Variants in GABRA5 observed in about 807,000 individuals in gnomAD.
The protein encoded by GABRA5 is gamma-aminobutyric acid type A receptor subunit alpha5, also known as gamma-aminobutyric acid receptor subunit alpha-5.
A neutral mutation model predicts 47.3 loss-of-function variants in GABRA5; 18 were observed. The ratio of observed to expected loss-of-function variants is 0.38; its 90% CI spans 0.26 to 0.56. The LOEUF is 0.56. Ranked by LOEUF, GABRA5 falls within the 20% of genes least tolerant of loss-of-function variation. The pLI is 0.71. For synonymous variants in GABRA5, 237 were observed against 229.3 expected, an observed-to-expected ratio of 1.03 and a Z score of -0.30; for missense variants, 365 against 599.3, an observed-to-expected ratio of 0.61 and a Z score of 4.08.
chr15:26,870,772 G>A (rs75643997), intron 3 of GABRA5, among the ~76,000 whole-genome samples: 4,584 of 152,244 alleles, frequency 0.03, 133 homozygotes, highest in African/African-American at 0.076. Flanking sequence ...AAGTGAAATC[G>A]CACAGAATAT....
rs1015777738 is a variant in GABRA5 at position 26,931,797 on chromosome 15, G to A, written c.581-5388G>A. 3.3e-5 allele frequency among the ~76,000 whole-genome samples: 5 copies of A among 152,134 alleles called. No homozygotes were observed. The South Asian group carries it at 1.0e-3, about 32-fold the overall frequency. Reference sequence around the variant, plus strand: ...ACAGAACAAAACACAAATGGCCACCGATCAGTTGTCAAGATATTGAAACAA... The same window carrying A: ...ACAGAACAAAACACAAATGGCCACCAATCAGTTGTCAAGATATTGAAACAA... On this transcript the variant is annotated intron_variant, in intron 7 of 10. Transcript: ENST00000335625.
intron 6 of GABRA5, among the ~76,000 whole-genome samples, chr15:26,907,016 T>A (rs1368315840): frequency 6.6e-6 from 1 of 152,178 alleles, no homozygotes; most frequent in Non-Finnish European, 1.5e-5. Context: ...GGAATGAGGA[T>A]CCTAATAGTG....
chr15:26,930,248 C>T (rs1042457445), intron 7 of GABRA5, among the ~76,000 whole-genome samples: 1 of 151,900 alleles, frequency 6.6e-6, no homozygotes, highest in African/African-American at 2.4e-5. Context: ...CCTCAGGTGA[C>T]CTGCCTGCCT....
At chr15:26,921,529 A>T (rs1385199854) in intron 7 of GABRA5, among the ~76,000 whole-genome samples, 1 of 151,946 alleles carries the variant, frequency 6.6e-6, no homozygotes, top group African/African-American at 2.4e-5. Flanking sequence ...AATTTTATTG[A>T]TCTTATTATT....
In GABRA5 at chr15:26,901,041, CTA is replaced by C. The variant is rs201172659; in HGVS notation, c.498-13759_498-13758del. Among the ~76,000 whole-genome samples, 1,323 of 152,270 alleles carry C rather than the reference CTA, an allele frequency of 8.7e-3. 22 individuals are homozygous for C. The highest frequency in any genetic ancestry group is 0.029 in the African/African-American group (1,215 of 41,550). The stretch of plus-strand genomic sequence containing the variant: ...CACAACACTGCATTATCTGCATACA[CTA>C]TAGTTTATCCATTCATCTATGGAAG... On this transcript the variant is annotated intron_variant, in intron 6 of 10. Transcript: ENST00000335625.
chr15:26,932,253 G>A (rs541378252), intron 7 of GABRA5, among the ~76,000 whole-genome samples: 2 of 152,106 alleles, frequency 1.3e-5, no homozygotes, highest in African/African-American at 2.4e-5. Flanking sequence ...AATCTACAAG[G>A]AACTTAAACA....
At chr15:26,906,958 C>A (rs1893458453) in intron 6 of GABRA5, among the ~76,000 whole-genome samples, 1 of 152,094 alleles carries the variant, frequency 6.6e-6, no homozygotes, top group Non-Finnish European at 1.5e-5. Context: ...CGATGGTTTT[C>A]CCAACATAAA....
intron 10 of GABRA5, among the ~76,000 whole-genome samples, chr15:26,945,756 T>C (rs1329067938): frequency 6.6e-6 from 1 of 152,138 alleles, no homozygotes; most frequent in Non-Finnish European, 1.5e-5. Flanking sequence ...AGGGCGCGTG[T>C]AAATCTCCAC....
At chr15:26,872,630 G>T (rs73363956) in intron 3 of GABRA5, among the ~76,000 whole-genome samples, 2,910 of 152,260 alleles carry the variant, frequency 0.019, 84 homozygotes, top group African/African-American at 0.066. Context: ...TCAAAAGAAA[G>T]GGGAAAGGAG....
intron 3 of GABRA5, among the ~76,000 whole-genome samples, chr15:26,879,865 A>G (rs957791731): frequency 1.3e-5 from 2 of 152,198 alleles, no homozygotes; most frequent in African/African-American, 4.8e-5. Flanking sequence ...CCAAGTGCCC[A>G]GGGCACTCGC....
intron 3 of GABRA5, among the ~76,000 whole-genome samples, chr15:26,878,969 G>A (rs1892661885): frequency 6.6e-6 from 1 of 152,234 alleles, no homozygotes; most frequent in Non-Finnish European, 1.5e-5. Context: ...AACGCTCACA[G>A]AGACATCACT....
chr15:26,939,215 G>A (rs758854674), intron 8 of GABRA5: 2 of 764,644 alleles, frequency 2.6e-6, no homozygotes, highest in South Asian at 2.7e-5. Flanking sequence ...CCTGACCACA[G>A]CTCCCGACCT....
intron 10 of GABRA5, among the ~76,000 whole-genome samples, chr15:26,947,398 T>C (rs1305873193): frequency 6.8e-6 from 1 of 147,446 alleles, no homozygotes; most frequent in Non-Finnish European, 1.5e-5. Context: ...TTCCTCTCTT[T>C]GTGTTCATGA....
At chr15:26,905,009 T>C (rs1462394100) in intron 6 of GABRA5, among the ~76,000 whole-genome samples, 1 of 152,132 alleles carries the variant, frequency 6.6e-6, no homozygotes, top group Non-Finnish European at 1.5e-5. Flanking sequence ...ATAGGAGTGG[T>C]GAGAGAGGGC....
intron 7 of GABRA5, among the ~76,000 whole-genome samples, chr15:26,932,945 G>T (rs144917681): frequency 6.6e-6 from 1 of 152,220 alleles, no homozygotes; most frequent in African/African-American, 2.4e-5. Context: ...GAGGCCTGTG[G>T]TGGGGTAGTG....
intron 9 of GABRA5, among the ~76,000 whole-genome samples, chr15:26,942,578 C>T (rs2140594588): frequency 6.6e-6 from 1 of 152,304 alleles, no homozygotes; most frequent in African/African-American, 2.4e-5. Context: ...GTCATTCTGC[C>T]TTGGATCTTG....
At chr15:26,914,595 T>A (rs143356429) in intron 6 of GABRA5, among the ~76,000 whole-genome samples, 1 of 152,352 alleles carries the variant, frequency 6.6e-6, no homozygotes, top group Non-Finnish European at 1.5e-5. Context: ...GCCACCGAAG[T>A]GCTGAGTAGA....
chr15:26,924,222 G>A (rs550232070), intron 7 of GABRA5, among the ~76,000 whole-genome samples: 19 of 146,460 alleles, frequency 1.3e-4, no homozygotes, highest in African/African-American at 4.8e-4. Flanking sequence ...CGTTACCACT[G>A]GGTCAGGGTA....
chr15:26,870,961 C>CA (rs1555388766), intron 3 of GABRA5, among the ~76,000 whole-genome samples: 47 of 152,082 alleles, frequency 3.1e-4, no homozygotes, highest in Admixed American at 5.9e-4. Flanking sequence ...GGAGGCCAAG[C>CA]GGGGGGCGGA....
Sources: gnomAD v4.1 joint callset for allele counts (sites outside exome capture counted in the v4.1 genomes callset) on GRCh38, gnomAD v4.1.1 for gene constraint, MANE v1.5 for transcripts, NCBI Gene and HGNC (gene_info 2026-07-23, HGNC 2026-07-21) for gene names.